Variants in SCN7A observed in about 807,000 individuals in gnomAD.
The protein encoded by SCN7A is sodium voltage-gated channel alpha subunit 7, also known as sodium channel protein type 7 subunit alpha.
SCN7A carries 138 observed loss-of-function variants against 155.2 expected under a neutral mutation model. That is an observed-to-expected ratio of 0.89 (90% CI 0.77 to 1.02). The LOEUF (loss-of-function observed/expected upper bound fraction) is 1.02. Among genes scored for constraint, SCN7A ranks in the 50% least tolerant of loss-of-function variants. The probability of loss-of-function intolerance (pLI) is 0.00; values close to 1 mark genes in which losing one functional copy is unlikely to be tolerated. For missense variants in SCN7A, 2,058 were observed against 1,986.6 expected (o/e 1.04, Z -0.68); for synonymous variants, 693 against 649.0 (o/e 1.07, Z -1.03).
intron 11 of SCN7A, 83 bp downstream of exon 11, chr2:166,456,787 G>C (rs572499930): frequency 9.9e-6 from 6 of 608,138 alleles, no homozygotes; most frequent in Non-Finnish European, 1.5e-5. Context: ...ATAAATGATT[G>C]CTGTTTCAAG....
At chr2:166,410,944 A>C (rs1701190490) in intron 23 of SCN7A, among the ~76,000 whole-genome samples, 2 of 152,120 alleles carry the variant, frequency 1.3e-5, no homozygotes, top group South Asian at 4.1e-4. Flanking sequence ...TTACTGCTCT[A>C]AATCAGGACC....
chr2:166,456,909 C>A lies in SCN7A; in HGVS notation c.1251G>T (p.Gln417His). ...ISKKIEPKFQ[Q>H]TGKELQEGNE... is the part of the protein sequence containing the mutation. ...TTCCTTCTTGAAGTTCTTTTCCAGT[C>A]TGTTGAAATTTTGGTTCAATCTTCT... is the stretch of plus-strand genomic sequence containing the variant. The change falls in exon 11 of 26, where the codon CAG (glutamine) becomes CAT (histidine). Residue 417 changes from glutamine (Q) to histidine (H), a missense_variant. Transcript: ENST00000643258. 6.4e-7 allele frequency: 1 copy of A among 1,554,772 alleles called. No homozygotes were observed.
At position 166,444,846 on chromosome 2, in the gene SCN7A, G is replaced by T. The variant is rs1425071833; in HGVS notation, c.1542C>A (p.Cys514Ter). ...TCAGAAAACATACGTTTAAAATTAT[G>T]CATATGATAAGGAAAAGATCAGTAA... ...APFTDLFLII[C>*]IILNVCFLTL... Residue 514 changes from cysteine (C) to a stop codon, truncating the protein, a stop_gained, in exon 13 of 26, where the codon TGC becomes TGA. Coordinates refer to ENST00000643258, the MANE Select transcript of SCN7A (RefSeq NM_002976.4). LOFTEE classifies it high-confidence loss of function. The T allele has an allele frequency of 6.2e-7, 1 of 1,611,438 alleles. No homozygotes were observed. The highest frequency in any genetic ancestry group is 1.3e-5 in the African/African-American group (1 of 74,878).
In SCN7A at chr2:166,405,674, T is replaced by C. The variant is rs778620195; in HGVS notation, c.4955A>G (p.His1652Arg). The C allele has an allele frequency of 6.8e-6, 11 of 1,612,986 alleles. No individual in the cohort carries two copies. Among genetic ancestry groups the C allele is most frequent in the South Asian group, 4.4e-5 (4 of 91,038 alleles). Residue 1652 changes from histidine (H) to arginine (R), a missense_variant, in exon 26 of 26, where the codon CAT becomes CGT. Coordinates refer to ENST00000643258, the MANE Select transcript of SCN7A (RefSeq NM_002976.4). ...RRNDKNTSDIHMIDGDRDVHA... is the reference protein window; with the variant it reads ...RRNDKNTSDIRMIDGDRDVHA... ...AACATCTCTGTCACCATCTATCATA[T>C]GAATATCTGATGTATTTTTGTCATT... is the stretch of plus-strand genomic sequence containing the variant.
intron 11 of SCN7A, among the ~76,000 whole-genome samples, chr2:166,448,696 G>T (rs956478186): frequency 6.6e-6 from 1 of 152,122 alleles, no homozygotes; most frequent in African/African-American, 2.4e-5. Flanking sequence ...AAATACAAAA[G>T]GAGCAAGACC....
At chr2:166,435,537 T>C (rs1267824622) in intron 15 of SCN7A, among the ~76,000 whole-genome samples, 2 of 152,060 alleles carry the variant, frequency 1.3e-5, no homozygotes, top group East Asian at 1.9e-4. Flanking sequence ...GAGCAACTCA[T>C]AGCAAAATCA....
chr2:166,469,458 G>T (rs1013519890), intron 7 of SCN7A, among the ~76,000 whole-genome samples: 1 of 151,332 alleles, frequency 6.6e-6, no homozygotes, highest in Non-Finnish European at 1.5e-5. Flanking sequence ...TTTAAAAGAG[G>T]ATACTTTCTT....
intron 22 of SCN7A, among the ~76,000 whole-genome samples, 167 bp downstream of exon 22, chr2:166,412,901 G>A (rs890240561): frequency 1.3e-5 from 2 of 151,916 alleles, no homozygotes; most frequent in African/African-American, 4.8e-5. Context: ...GACCTATGGG[G>A]CCTCAATCAT....
At chr2:166,463,271 T>C (rs1702453937) in intron 9 of SCN7A, among the ~76,000 whole-genome samples, 1 of 152,204 alleles carries the variant, frequency 6.6e-6, no homozygotes, top group Non-Finnish European at 1.5e-5. Context: ...GTTTCGGTCT[T>C]GTGTTCCATT....
In SCN7A at chr2:166,425,416, G is replaced by A. The variant is rs1268575604; in HGVS notation, c.2854-1984C>T. Among the ~76,000 whole-genome samples the A allele has an allele frequency of 2.0e-5, 3 of 151,930 alleles. No individual in the cohort carries two copies. In the South Asian group the frequency reaches 6.2e-4, roughly 32 times the overall value. On this transcript the variant is annotated intron_variant, in intron 18 of 25. Coordinates refer to ENST00000643258, the MANE Select transcript of SCN7A (RefSeq NM_002976.4). ...CTTTCCTGGTAGTGTATCTAGAGAG[G>A]GCTGCTTATTAGTTTCCTATTGTGA...
chr2:166,483,587 AAAT>A (rs1702979534), intron 2 of SCN7A, among the ~76,000 whole-genome samples: 1 of 151,952 alleles, frequency 6.6e-6, no homozygotes, highest in Non-Finnish European at 1.5e-5. Flanking sequence ...TTTAAATACA[AAAT>A]AAAATTTAAA....
chr2:166,467,638 T>A (rs1702565782), intron 7 of SCN7A, among the ~76,000 whole-genome samples: 1 of 151,590 alleles, frequency 6.6e-6, no homozygotes, highest in Non-Finnish European at 1.5e-5. Flanking sequence ...ATTAAGTTTG[T>A]TAATAATTTT....
Position 166,427,837 on chromosome 2 carries a change from C to T in SCN7A, c.2804G>A (p.Trp935Ter). 4 of 1,612,052 alleles carry T rather than the reference C, an allele frequency of 2.5e-6. No individual in the cohort carries two copies. The highest frequency in any genetic ancestry group is 3.4e-6 in the Non-Finnish European group (4 of 1,178,982). ...KTCCKIVENN[W>*]FKCFIGLVTL... is the part of the protein sequence containing the mutation. ...AACAAGCCCAATAAAACACTTAAAC[C>T]AATTGTTCTCTACAATCTTGCAGCA... The change falls in exon 18 of 26, where the codon TGG becomes TAG. Residue 935 changes from tryptophan to a stop codon, truncating the protein, a stop_gained. Coordinates refer to ENST00000643258, the MANE Select transcript of SCN7A (RefSeq NM_002976.4). LOFTEE classifies it high-confidence loss of function.
chr2:166,469,901 T>C (rs1016447104), intron 7 of SCN7A, among the ~76,000 whole-genome samples: 27 of 152,086 alleles, frequency 1.8e-4, no homozygotes, highest in African/African-American at 6.5e-4. Context: ...GAAAGAAGCC[T>C]GTAGGCTTTG....
chr2:166,427,934 G>C lies in SCN7A; in HGVS notation c.2707C>G (p.Arg903Gly), dbSNP rs746146835. Residue 903 changes from arginine to glycine, a missense_variant, in exon 18 of 26, where the codon CGC becomes GGC. Transcript: ENST00000643258. Reference sequence around the variant, plus strand: ...CTGATTTGACCAAGTGAAGATCCGCGTCTGCAACCTGTCAAGATTGAATTG... The same window carrying C: ...CTGATTTGACCAAGTGAAGATCCGCCTCTGCAACCTGTCAAGATTGAATTG... ...RSKHLKNGCR[R>G]GSSLGQISGA... 2 of 1,612,464 alleles carry C rather than the reference G, an allele frequency of 1.2e-6. No individual in the cohort carries two copies. Among genetic ancestry groups the C allele is most frequent in the Admixed American group, 3.3e-5 (2 of 59,822 alleles).
intron 20 of SCN7A, among the ~76,000 whole-genome samples, chr2:166,420,695 G>A (rs1053688415): frequency 5.3e-5 from 8 of 151,932 alleles, no homozygotes; most frequent in Admixed American, 5.3e-4. Flanking sequence ...TTTAACATGT[G>A]AGTGATGAAG....
intron 15 of SCN7A, among the ~76,000 whole-genome samples, chr2:166,438,162 T>C (rs1701878477): frequency 6.6e-6 from 1 of 152,134 alleles, no homozygotes; most frequent in African/African-American, 2.4e-5. Flanking sequence ...GGGAAGTAAT[T>C]GAATCATGAT....
intron 7 of SCN7A, among the ~76,000 whole-genome samples, chr2:166,467,208 T>G (rs1276397791): frequency 6.6e-6 from 1 of 151,858 alleles, no homozygotes; most frequent in Admixed American, 6.6e-5. Flanking sequence ...TAAACCAGAC[T>G]ATAAGCCTTC....
chr2:166,406,108 G>GT lies in SCN7A; in HGVS notation c.4520dup (p.Asn1507LysfsTer6). On this transcript the variant is annotated frameshift_variant, in exon 26 of 26. Transcript: ENST00000643258. LOFTEE classifies it high-confidence loss of function. ...TAAAATCATCTTCACTCAAGGTCTTGTTTTTCTTCTTAGAAGCAATATTTA... is the reference window on the plus strand; with the variant it reads ...TAAAATCATCTTCACTCAAGGTCTTGTTTTTTCTTCTTAGAAGCAATATTTA... The GT allele has an allele frequency of 6.2e-7, 1 of 1,611,820 alleles. No homozygotes were observed.
Sources: allele counts gnomAD v4.1 joint callset (sites outside exome capture counted in the v4.1 genomes callset), GRCh38; gene constraint gnomAD v4.1.1; transcripts MANE v1.5; gene names NCBI Gene and HGNC (gene_info 2026-07-23, HGNC 2026-07-21).